RGS12: variants seen among roughly 807,000 people sequenced by gnomAD.
The protein encoded by RGS12 is regulator of G protein signaling 12.
A neutral mutation model predicts 120.1 loss-of-function variants in RGS12; 66 were observed. The ratio of observed to expected loss-of-function variants is 0.55; its 90% CI spans 0.45 to 0.67. The LOEUF is 0.67. Among genes scored for constraint, RGS12 ranks in the 30% least tolerant of loss-of-function variants. RGS12 has a pLI of 0.00. For missense variants in RGS12, 1,859 were observed against 1,957.7 expected, an observed-to-expected ratio of 0.95 and a Z score of 0.95; for synonymous variants, 827 against 804.7, an observed-to-expected ratio of 1.03 and a Z score of -0.47.
intron 3 of RGS12, among the ~76,000 whole-genome samples, chr4:3,357,419 G>A (rs1233050811): frequency 6.6e-6 from 1 of 152,008 alleles, no homozygotes; most frequent in African/African-American, 2.4e-5. Flanking sequence ...TTTGTTGCCT[G>A]TGCCTTTGAT....
chr4:3,403,619 C>G (rs1209787422), intron 4 of RGS12, among the ~76,000 whole-genome samples: 1 of 152,220 alleles, frequency 6.6e-6, no homozygotes, highest in Non-Finnish European at 1.5e-5. Flanking sequence ...TGTTTTCTAA[C>G]CCTCAGCAGG....
At chr4:3,307,247 C>CG (rs1488116027) in intron 1 of RGS12, among the ~76,000 whole-genome samples, 1 of 152,186 alleles carries the variant, frequency 6.6e-6, no homozygotes, top group Non-Finnish European at 1.5e-5. Flanking sequence ...CCTTTGCCGA[C>CG]GCACCTTGCT....
Position 3,395,781 on chromosome 4 carries a change from T to C in RGS12, c.2020+9344T>C, listed in dbSNP as rs914624218. On this transcript the variant is annotated intron_variant, in intron 4 of 17. Coordinates refer to ENST00000336727, the MANE Select transcript of RGS12 (RefSeq NM_001394154.1). ...CTGTTAGGTTATCTGCCTTTCCTTATTGATTTATAGAATATTTTAAAAATA... is the reference window on the plus strand; with the variant it reads ...CTGTTAGGTTATCTGCCTTTCCTTACTGATTTATAGAATATTTTAAAAATA... 3.9e-5 allele frequency among the ~76,000 whole-genome samples: 6 copies of C among 152,220 alleles called. No homozygotes were observed. The East Asian group carries it at 1.2e-3, about 29-fold the overall frequency.
At chr4:3,384,766 C>T (rs1156395774) in intron 3 of RGS12, among the ~76,000 whole-genome samples, 2 of 152,332 alleles carry the variant, frequency 1.3e-5, no homozygotes, top group South Asian at 2.1e-4. Flanking sequence ...TCACACAGTG[C>T]CTGTCAGGGG....
chr4:3,335,415 G>T (rs566959396), intron 2 of RGS12, among the ~76,000 whole-genome samples: 1 of 152,140 alleles, frequency 6.6e-6, no homozygotes, highest in Non-Finnish European at 1.5e-5. Flanking sequence ...CAGGTGTGCC[G>T]GTTACTCAGC....
chr4:3,396,330 C>T (rs571817711), intron 4 of RGS12, among the ~76,000 whole-genome samples: 1 of 152,110 alleles, frequency 6.6e-6, no homozygotes, highest in African/African-American at 2.4e-5. Context: ...CATTTTTCCC[C>T]TTAGGGTAAT....
intron 2 of RGS12, among the ~76,000 whole-genome samples, chr4:3,330,986 G>A (rs1711773710): frequency 6.6e-6 from 1 of 152,238 alleles, no homozygotes; most frequent in South Asian, 2.1e-4. Flanking sequence ...GCTGGGAGAT[G>A]TAGTCCTTAG....
intron 3 of RGS12, among the ~76,000 whole-genome samples, chr4:3,360,678 C>G (rs1230520207): frequency 2.6e-5 from 4 of 152,072 alleles, no homozygotes; most frequent in Admixed American, 2.6e-4. Context: ...AAAACAGACA[C>G]AAAAGGCACT....
chr4:3,285,933 G>A, the RGS12 span, among the ~76,000 whole-genome samples: 1 of 152,208 alleles, frequency 6.6e-6, no homozygotes, highest in African/African-American at 2.4e-5. Flanking sequence ...TGAGGAAAAT[G>A]TCCTGCAAAC....
chr4:3,414,312 G>A, intron 5 of RGS12, 71 bp downstream of exon 5: 1 of 1,455,410 alleles, frequency 6.9e-7, no homozygotes. Context: ...AGGATCTGTG[G>A]GCCGCCCTAG....
intron 3 of RGS12, among the ~76,000 whole-genome samples, chr4:3,381,746 G>A (rs139914759): frequency 3.3e-5 from 5 of 152,286 alleles, no homozygotes; most frequent in Non-Finnish European, 2.9e-5. Context: ...ATGAGATTTC[G>A]GTGGGGACAC....
At chr4:3,379,005 A>ATG (rs3138719) in intron 3 of RGS12, among the ~76,000 whole-genome samples, 12,048 of 146,422 alleles carry the variant, frequency 0.082, 484 homozygotes, top group African/African-American at 0.11. Context: ...GAAATGTGCG[A>ATG]TGTGTGTGTG....
chr4:3,408,909 G>A (rs1721433461), intron 4 of RGS12, among the ~76,000 whole-genome samples: 1 of 152,230 alleles, frequency 6.6e-6, no homozygotes, highest in Admixed American at 6.5e-5. Context: ...AAATGAGATT[G>A]TGTGAAGGGG....
chr4:3,423,939 C>T (rs372498512), intron 13 of RGS12: 9 of 305,364 alleles, frequency 2.9e-5, no homozygotes, highest in Admixed American at 8.5e-5. Flanking sequence ...GACTATCCTC[C>T]GCTGTTGGCC....
intron 2 of RGS12, among the ~76,000 whole-genome samples, chr4:3,330,887 A>T (rs765566144): frequency 2.6e-5 from 4 of 152,146 alleles, no homozygotes; most frequent in Admixed American, 6.5e-5. Flanking sequence ...CATTTCCTTC[A>T]GCAGGAAGAG....
At chr4:3,310,613 T>G (rs1724330217) in intron 1 of RGS12, among the ~76,000 whole-genome samples, 1 of 152,042 alleles carries the variant, frequency 6.6e-6, no homozygotes, top group Admixed American at 6.6e-5. Context: ...GGTGGCTGGA[T>G]GCAGGGATGG....
chr4:3,426,658 C>A (rs1444637616), intron 14 of RGS12: 1 of 152,166 alleles, frequency 6.6e-6, no homozygotes, highest in East Asian at 1.9e-4. Flanking sequence ...ATGGGCTCGT[C>A]GCCCGGCCCC....
chr4:3,405,201 C>T (rs781234430), intron 4 of RGS12, among the ~76,000 whole-genome samples: 11 of 152,228 alleles, frequency 7.2e-5, no homozygotes, highest in Admixed American at 2.0e-4. Context: ...AAGACACTTA[C>T]AGAGCCTCGG....
intron 1 of RGS12, chr4:3,312,560 G>C (rs41329644): frequency 0.055 from 12,594 of 228,602 alleles, 1,414 homozygotes; most frequent in African/African-American, 0.25. Context: ...AAGACGGTAT[G>C]TGCAGCCTCC....
Sources: gnomAD v4.1 joint callset for allele counts (sites outside exome capture counted in the v4.1 genomes callset) on GRCh38, gnomAD v4.1.1 for gene constraint, MANE v1.5 for transcripts, NCBI Gene and HGNC (gene_info 2026-07-23, HGNC 2026-07-21) for gene names.